Variants in PTPRR observed in about 807,000 individuals in gnomAD.
The protein encoded by PTPRR is protein tyrosine phosphatase receptor type R.
Under a neutral mutation model 77.2 loss-of-function variants are expected in PTPRR, and 38 were observed. The observed-to-expected ratio is 0.49, with a 90% CI of 0.38 to 0.65. The LOEUF is 0.65. Ranked by LOEUF, PTPRR falls within the 30% of genes least tolerant of loss-of-function variation. PTPRR has a pLI of 0.00. For synonymous variants in PTPRR, 299 were observed against 283.1 expected (o/e 1.06, Z -0.57); for missense variants, 744 against 799.2 (o/e 0.93, Z 0.83).
chr12:70,791,954 G>T (rs934636019), intron 2 of PTPRR, among the ~76,000 whole-genome samples: 6 of 152,102 alleles, frequency 3.9e-5, no homozygotes, highest in Non-Finnish European at 7.4e-5. Context: ...ACATATCTCA[G>T]AGGAAAAAAA....
chr12:70,675,794 T>G (rs943341505), intron 10 of PTPRR, among the ~76,000 whole-genome samples: 1 of 151,954 alleles, frequency 6.6e-6, no homozygotes, highest in Non-Finnish European at 1.5e-5. Context: ...AGGATAGATT[T>G]GTTGGGTATA....
At chr12:70,771,049 A>T (rs1257611362) in intron 2 of PTPRR, among the ~76,000 whole-genome samples, 2 of 151,686 alleles carry the variant, frequency 1.3e-5, no homozygotes, top group Non-Finnish European at 2.9e-5. Context: ...GATATACCTA[A>T]TGCTAAATGA....
At chr12:70,679,717 T>C (rs1312885515) in intron 10 of PTPRR, among the ~76,000 whole-genome samples, 1 of 152,200 alleles carries the variant, frequency 6.6e-6, no homozygotes, top group Non-Finnish European at 1.5e-5. Context: ...CTGGTCTCTT[T>C]TAGTTTCCAT....
At chr12:70,852,815 C>A (rs1892592076) in intron 2 of PTPRR, among the ~76,000 whole-genome samples, 1 of 152,140 alleles carries the variant, frequency 6.6e-6, no homozygotes, top group South Asian at 2.1e-4. Flanking sequence ...TTTCTCCCCC[C>A]TTCTATTCTT....
At chr12:70,701,405 A>T in intron 6 of PTPRR, 82 bp from the exon 7 acceptor site, 1 of 1,218,692 alleles carries the variant, frequency 8.2e-7, no homozygotes, top group Non-Finnish European at 1.2e-6. Context: ...CATGCACACA[A>T]TTCAGTGAGA....
At chr12:70,683,953 T>G (rs1887765348) in intron 10 of PTPRR, among the ~76,000 whole-genome samples, 174 bp downstream of exon 10, 1 of 152,232 alleles carries the variant, frequency 6.6e-6, no homozygotes, top group Non-Finnish European at 1.5e-5. Context: ...GAAAGAAAGT[T>G]GACATTCATA....
At chr12:70,834,252 T>C (rs1191526042) in intron 2 of PTPRR, among the ~76,000 whole-genome samples, 1 of 152,198 alleles carries the variant, frequency 6.6e-6, no homozygotes, top group Non-Finnish European at 1.5e-5. Flanking sequence ...AAGTTTTTAT[T>C]TTTTACAGGG....
rs566522694 is a variant in PTPRR, at chr12:70,669,559, TACAC to T, written c.1498-6958_1498-6955del. ...ACACAAGCCATATATATATATGTTA[TACAC>T]ACACACACACACACACACACACACA... On this transcript the variant is annotated intron_variant, in intron 10 of 13. Coordinates refer to ENST00000283228, the MANE Select transcript of PTPRR (RefSeq NM_002849.4). Among the ~76,000 whole-genome samples the T allele has an allele frequency of 8.6e-3, 1,220 of 141,760 alleles. 8 individuals carry two copies. The highest frequency in any genetic ancestry group is 0.018 in the African/African-American group (652 of 37,160). 93.0% of individuals were successfully genotyped at this position (141,760 alleles called of 152,430 possible).
chr12:70,822,442 AT>A (rs1466215870), intron 2 of PTPRR, among the ~76,000 whole-genome samples: 1 of 152,236 alleles, frequency 6.6e-6, no homozygotes, highest in Non-Finnish European at 1.5e-5. Flanking sequence ...CAAATAAAAA[AT>A]AATAATTATA....
chr12:70,720,375 A>G (rs1485414098), intron 6 of PTPRR, among the ~76,000 whole-genome samples: 2 of 152,142 alleles, frequency 1.3e-5, no homozygotes, highest in East Asian at 3.9e-4. Flanking sequence ...ATGATTTTAT[A>G]TATCTGTGAT....
chr12:70,720,882 C>T (rs1889226033), intron 6 of PTPRR, among the ~76,000 whole-genome samples: 1 of 152,168 alleles, frequency 6.6e-6, no homozygotes, highest in Non-Finnish European at 1.5e-5. Flanking sequence ...ACTCCCTCAT[C>T]TTCGACTCCA....
intron 2 of PTPRR, among the ~76,000 whole-genome samples, chr12:70,848,168 TC>T (rs1194466164): frequency 6.6e-6 from 1 of 152,182 alleles, no homozygotes; most frequent in Non-Finnish European, 1.5e-5. Context: ...AAACGAACTG[TC>T]AAACAACTCT....
At chr12:70,665,361 A>ATTTTTTTT (rs1886947752) in intron 10 of PTPRR, among the ~76,000 whole-genome samples, 2 of 98,340 alleles carry the variant, frequency 2.0e-5, no homozygotes, top group Non-Finnish European at 4.3e-5. Flanking sequence ...AGCAATGCAA[A>ATTTTTTTT]TTCTTTTTTT....
chr12:70,733,196 T>A (rs1011620360), intron 6 of PTPRR, among the ~76,000 whole-genome samples: 2 of 152,056 alleles, frequency 1.3e-5, no homozygotes, highest in African/African-American at 2.4e-5. Flanking sequence ...TTTCATTTGA[T>A]ACACTGTTGT....
intron 2 of PTPRR, among the ~76,000 whole-genome samples, chr12:70,873,299 T>C (rs1047770546): frequency 2.0e-5 from 3 of 152,164 alleles, no homozygotes; most frequent in Admixed American, 6.5e-5. Context: ...CTCCCTCTTG[T>C]CAGTGCCCAG....
intron 6 of PTPRR, among the ~76,000 whole-genome samples, chr12:70,736,588 C>T (rs1383666064): frequency 1.3e-5 from 2 of 152,136 alleles, no homozygotes; most frequent in Non-Finnish European, 2.9e-5. Context: ...GCATGAGTTT[C>T]CACTCTAAGG....
intron 2 of PTPRR, among the ~76,000 whole-genome samples, chr12:70,870,723 G>A (rs193231291): frequency 6.6e-6 from 1 of 152,216 alleles, no homozygotes; most frequent in Non-Finnish European, 1.5e-5. Context: ...TGTTGCTGAT[G>A]CTTGTTAAAG....
At chr12:70,652,065 A>G (rs889501945) in intron 13 of PTPRR, among the ~76,000 whole-genome samples, 7 of 152,222 alleles carry the variant, frequency 4.6e-5, no homozygotes, top group African/African-American at 1.7e-4. Flanking sequence ...GGACAGATTC[A>G]GAGCTGAAGG....
chr12:70,910,121 A>G (rs1893679226), intron 1 of PTPRR, among the ~76,000 whole-genome samples: 1 of 152,036 alleles, frequency 6.6e-6, no homozygotes, highest in African/African-American at 2.4e-5. Context: ...CATTGGTCTT[A>G]TATTGCAGCT....
Sources: allele counts gnomAD v4.1 joint callset (sites outside exome capture counted in the v4.1 genomes callset), GRCh38; gene constraint gnomAD v4.1.1; transcripts MANE v1.5; gene names NCBI Gene and HGNC (gene_info 2026-07-23, HGNC 2026-07-21).